Variants in CTBP2 observed in about 807,000 individuals in gnomAD.
The protein encoded by CTBP2 is C-terminal-binding protein 2.
A neutral mutation model predicts 80.3 loss-of-function variants in CTBP2; 30 were observed. The observed-to-expected ratio is 0.37, with a 90% CI of 0.28 to 0.51. The LOEUF (loss-of-function observed/expected upper bound fraction) is 0.51, where lower values mean the gene tolerates loss of function less well. Among genes scored for constraint, CTBP2 ranks in the 20% least tolerant of loss-of-function variants. CTBP2 has a pLI of 0.93. For synonymous variants in CTBP2, 594 were observed against 587.4 expected (o/e 1.01, Z -0.16); for missense variants, 1,212 against 1,375.3 (o/e 0.88, Z 1.88).
chr10:125,159,247 G>A (rs1432492252), intron 1 of CTBP2, among the ~76,000 whole-genome samples: 1 of 149,782 alleles, frequency 6.7e-6, no homozygotes, highest in Non-Finnish European at 1.5e-5. Flanking sequence ...GCCCTAGCCA[G>A]CCCCTCCTGC....
chr10:124,994,455 T>G lies in CTBP2; in HGVS notation c.2400+14A>C. ...TTTCGACAGAAGCTTCCATGGCATC[T>G]ATTTTCAAATTACCTGCTTTATGGT... On this transcript the variant is annotated intron_variant, in intron 5 of 8. Transcript: ENST00000309035. 6.2e-7 allele frequency: 1 copy of G among 1,612,856 alleles called. No homozygotes were observed. Among genetic ancestry groups the G allele is most frequent in the Non-Finnish European group, 8.5e-7 (1 of 1,178,852 alleles).
In CTBP2 at chr10:125,131,415, A is replaced by C. The variant is rs79457775; in HGVS notation, c.-205-20322T>G. On this transcript the variant is annotated intron_variant, in intron 1 of 10. Transcript: ENST00000337195. ...CCATTTGGGTAGGTGTGAGGCCCCCAAACAAGGGCAGAAGGGAGGGGCAGA... is the reference window on the plus strand; with the variant it reads ...CCATTTGGGTAGGTGTGAGGCCCCCCAACAAGGGCAGAAGGGAGGGGCAGA... Among the ~76,000 whole-genome samples the C allele has an allele frequency of 0.017, 2,609 of 152,274 alleles. 256 individuals carry two copies. In the East Asian group the frequency reaches 0.31, roughly 18 times the overall value.
intron 3 of CTBP2, chr10:125,000,379 C>T (rs929619348): frequency 6.6e-6 from 1 of 152,246 alleles, no homozygotes; most frequent in African/African-American, 2.4e-5. Context: ...CTCTGATACT[C>T]GCAGGCTGGG....
chr10:125,140,442 G>T (rs145531896), intron 1 of CTBP2, among the ~76,000 whole-genome samples: 1 of 152,122 alleles, frequency 6.6e-6, no homozygotes, highest in African/African-American at 2.4e-5. Flanking sequence ...TTCGGGCAAC[G>T]ACCAGAAAAT....
intron 1 of CTBP2, among the ~76,000 whole-genome samples, chr10:125,007,143 A>T (rs1272940689): frequency 1.3e-5 from 2 of 152,250 alleles, no homozygotes; most frequent in Non-Finnish European, 2.9e-5. Flanking sequence ...TTTCAGGACA[A>T]TTCCAGCTGC....
rs183711258 is a variant in CTBP2 at position 125,147,014 on chromosome 10, C to T, written c.-206+13305G>A. 1.5e-4 allele frequency among the ~76,000 whole-genome samples: 23 copies of T among 152,332 alleles called. No homozygotes were observed. In the East Asian group the frequency reaches 4.2e-3, roughly 28 times the overall value. On this transcript the variant is annotated intron_variant, in intron 1 of 10. Transcript: ENST00000337195. ...GTCCAGTTACCACAGCTGCTGCTGA[C>T]TGAGCACCCACAAGAAACCAAACAG...
chr10:124,995,319 C>T (rs985964939), intron 4 of CTBP2, among the ~76,000 whole-genome samples: 12 of 152,210 alleles, frequency 7.9e-5, no homozygotes, highest in East Asian at 3.9e-4. Flanking sequence ...CTGGGCCTCC[C>T]GCCAGCTATG....
At chr10:124,993,803 G>A (rs1953056002) in intron 6 of CTBP2, 52 bp downstream of exon 8, 5 of 1,575,432 alleles carry the variant, frequency 3.2e-6, no homozygotes, top group African/African-American at 1.4e-5. Flanking sequence ...TGGGGGTCAG[G>A]TGTGGAGCTG....
chr10:125,017,849 G>A (rs910604881), intron 1 of CTBP2, among the ~76,000 whole-genome samples: 7 of 152,192 alleles, frequency 4.6e-5, no homozygotes, highest in African/African-American at 2.4e-5. Context: ...CCGGTGTGAT[G>A]CGGTTCTCAG....
rs1952003032 is a variant in CTBP2 at position 124,985,055 on chromosome 10, G to C, written c.*4463C>G. The C allele has an allele frequency of 7.6e-7, 1 of 1,318,072 alleles. No individual in the cohort carries two copies. 81.6% of individuals were successfully genotyped at this position (1,318,072 alleles called of 1,614,324 possible). On this transcript the variant is annotated 3_prime_UTR_variant, in exon 9 of 9. Coordinates refer to ENST00000309035, the MANE Select transcript of CTBP2 (RefSeq NM_022802.3). ...TCTGTAATGACCCTAAAGTTAGTGTGGTGCTCCAAGCAGAGTCGACATCAT... is the reference window on the plus strand; with the variant it reads ...TCTGTAATGACCCTAAAGTTAGTGTCGTGCTCCAAGCAGAGTCGACATCAT...
chr10:125,104,156 G>A (rs1338700008), intron 2 of CTBP2, among the ~76,000 whole-genome samples: 1 of 152,204 alleles, frequency 6.6e-6, no homozygotes, highest in African/African-American at 2.4e-5. Flanking sequence ...ACACCACGTG[G>A]AGCTGACTGG....
intron 2 of CTBP2, among the ~76,000 whole-genome samples, chr10:125,045,415 G>A (rs1960979044): frequency 6.6e-6 from 1 of 151,388 alleles, no homozygotes; most frequent in South Asian, 2.2e-4. Context: ...TGGGAATTAA[G>A]AGGGTGTCTG....
At position 125,027,420 on chromosome 10, in the gene CTBP2, G is replaced by C; in HGVS notation, c.340C>G (p.Pro114Ala). The C allele has an allele frequency of 6.2e-7, 1 of 1,614,042 alleles. No individual in the cohort carries two copies. ...TTGGGTACCCTAGCAGCTCCAGACG[G>C]ATCACTGTAGTACTCCCGTGGCAGC... The change falls in exon 1 of 9, where the codon CCG becomes GCG. Residue 114 changes from proline (P) to alanine (A), a missense_variant. Pro to Ala is a conservative substitution (Grantham distance 27). This residue lies in a region of CTBP2 where 848 missense variants were observed against 782.3 expected (regional missense o/e 1.08). Transcript: ENST00000309035.
At chr10:125,088,837 G>A (rs1436764424) in intron 2 of CTBP2, among the ~76,000 whole-genome samples, 2 of 152,102 alleles carry the variant, frequency 1.3e-5, no homozygotes, top group African/African-American at 2.4e-5. Flanking sequence ...CACCAAATTC[G>A]GAGACCTAGT....
chr10:125,112,428 T>C (rs1240456637), intron 1 of CTBP2, among the ~76,000 whole-genome samples: 1 of 132,796 alleles, frequency 7.5e-6, no homozygotes, highest in Non-Finnish European at 1.6e-5. Context: ...TCTACCTTTT[T>C]CGTTTTTTTT....
intron 2 of CTBP2, among the ~76,000 whole-genome samples, chr10:125,108,140 T>G (rs35620663): frequency 0.059 from 8,999 of 152,170 alleles, 271 homozygotes; most frequent in Middle Eastern, 0.078. Flanking sequence ...ACAGAACAGA[T>G]AGTAAAAGCA....
chr10:125,004,712 C>A (rs1312651070), intron 1 of CTBP2, among the ~76,000 whole-genome samples: 1 of 152,186 alleles, frequency 6.6e-6, no homozygotes, highest in Non-Finnish European at 1.5e-5. Flanking sequence ...CATCCCCATC[C>A]CCTCCCTCCC....
chr10:125,141,979 C>T (rs1418534120), intron 1 of CTBP2, among the ~76,000 whole-genome samples: 1 of 152,094 alleles, frequency 6.6e-6, no homozygotes, highest in Non-Finnish European at 1.5e-5. Context: ...GGCACCTGTT[C>T]CCAGGCACTT....
intron 2 of CTBP2, among the ~76,000 whole-genome samples, chr10:125,087,040 T>C (rs1398425957): frequency 6.6e-6 from 1 of 151,728 alleles, no homozygotes; most frequent in Non-Finnish European, 1.5e-5. Context: ...CAGCCCTAAC[T>C]TCAACCTTGA....
Sources: allele counts gnomAD v4.1 joint callset (sites outside exome capture counted in the v4.1 genomes callset), GRCh38; gene constraint gnomAD v4.1.1; regional missense constraint gnomAD v4.1.1; transcripts MANE v1.5; gene names NCBI Gene and HGNC (gene_info 2026-07-23, HGNC 2026-07-21).